RNF217: variants seen among roughly 807,000 people sequenced by gnomAD.
The protein encoded by RNF217 is E3 ubiquitin-protein ligase RNF217.
Under a neutral mutation model 57.8 loss-of-function variants are expected in RNF217, and 31 were observed. The ratio of observed to expected loss-of-function variants is 0.54; its 90% CI spans 0.40 to 0.72. The LOEUF (loss-of-function observed/expected upper bound fraction) is 0.72. RNF217 is among the 30% of genes least tolerant of loss of function. The probability of loss-of-function intolerance (pLI) is 0.00; values close to 1 mark genes in which losing one functional copy is unlikely to be tolerated. For synonymous variants in RNF217, 313 were observed against 294.0 expected, an observed-to-expected ratio of 1.06 and a Z score of -0.66; for missense variants, 696 against 708.3, an observed-to-expected ratio of 0.98 and a Z score of 0.20.
intron 1 of RNF217, among the ~76,000 whole-genome samples, chr6:124,980,777 T>C (rs1434061824): frequency 6.6e-6 from 1 of 152,206 alleles, no homozygotes; most frequent in East Asian, 1.9e-4. Context: ...CCTCCCTCCA[T>C]ACTTTGATTT....
At chr6:125,010,265 C>T (rs1201014713) in intron 1 of RNF217, among the ~76,000 whole-genome samples, 1 of 152,024 alleles carries the variant, frequency 6.6e-6, no homozygotes, top group Non-Finnish European at 1.5e-5. Context: ...TAAGAATTGC[C>T]AGAGTATAAT....
Position 125,088,014 on chromosome 6 carries a change from C to CTTTTTTTTTTTTTTTTTTTTTTTTTT in RNF217, c.*5099_*5100insTTTTTTTTTTTTTTTTTTTTTTTTTT. ...AATATGGAAAATAAGTTACAAAATT[C>CTTTTTTTTTTTTTTTTTTTTTTTTTT]TTTTTTTTTTTTTTTTTTTTTTGAG... is the stretch of plus-strand genomic sequence containing the variant. On this transcript the variant is annotated 3_prime_UTR_variant, in exon 6 of 6. Transcript: ENST00000521654. 1 of 100,858 alleles carries CTTTTTTTTTTTTTTTTTTTTTTTTTT rather than the reference C, an allele frequency of 9.9e-6. No individual in the cohort carries two copies. Among genetic ancestry groups the CTTTTTTTTTTTTTTTTTTTTTTTTTT allele is most frequent in the Non-Finnish European group, 1.9e-5 (1 of 51,728 alleles). 6.2% of individuals were successfully genotyped at this position (100,858 alleles called of 1,614,324 possible). A position where few individuals can be genotyped will look rare whatever the true frequency, so the allele number is the denominator to read the frequency against.
intron 1 of RNF217, among the ~76,000 whole-genome samples, chr6:124,997,178 T>C (rs1301155519): frequency 6.6e-6 from 1 of 152,224 alleles, no homozygotes; most frequent in African/African-American, 2.4e-5. Context: ...AAGAGAATCC[T>C]CTGTTTAAAA....
In RNF217 at chr6:125,085,058, T is replaced by C. The variant is rs1788732532; in HGVS notation, c.*2121T>C. On this transcript the variant is annotated 3_prime_UTR_variant, in exon 6 of 6. Coordinates refer to ENST00000521654, the MANE Select transcript of RNF217 (RefSeq NM_001286398.3). ...GTATGATATATATGAAATATTCCCATAACTGCATATGAACACATATGCCAT... is the reference window on the plus strand; with the variant it reads ...GTATGATATATATGAAATATTCCCACAACTGCATATGAACACATATGCCAT... 6.6e-6 allele frequency: 1 copy of C among 151,954 alleles called. No individual in the cohort carries two copies. Among genetic ancestry groups the C allele is most frequent in the Admixed American group, 6.6e-5 (1 of 15,224 alleles). 9.4% of individuals were successfully genotyped at this position (151,954 alleles called of 1,614,324 possible). A position where few individuals can be genotyped will look rare whatever the true frequency, so the allele number is the denominator to read the frequency against.
At chr6:125,026,491 G>T (rs1343939481) in intron 1 of RNF217, among the ~76,000 whole-genome samples, 2 of 152,110 alleles carry the variant, frequency 1.3e-5, no homozygotes, top group Non-Finnish European at 2.9e-5. Flanking sequence ...TGTGATAATA[G>T]GATAAATTTC....
chr6:125,082,792 CAT>C (rs1423966513), intron 5 of RNF217, 70 bp from the exon 6 acceptor site: 13 of 1,232,680 alleles, frequency 1.1e-5, no homozygotes, highest in Middle Eastern at 1.9e-4. Context: ...AATAAATAAA[CAT>C]AGACATTTTA....
At chr6:125,040,257 G>A (rs1786823030) in intron 1 of RNF217, among the ~76,000 whole-genome samples, 1 of 152,076 alleles carries the variant, frequency 6.6e-6, no homozygotes, top group South Asian at 2.1e-4. Flanking sequence ...TGATAATGGG[G>A]ATATCACCAC....
At chr6:125,015,578 A>G (rs1240964928) in intron 1 of RNF217, among the ~76,000 whole-genome samples, 1 of 152,042 alleles carries the variant, frequency 6.6e-6, no homozygotes, top group Non-Finnish European at 1.5e-5. Context: ...CCAAGTTATG[A>G]TAGTATGTAG....
At position 125,084,638 on chromosome 6, in the gene RNF217, A is replaced by T. The variant is rs1047722330; in HGVS notation, c.*1701A>T. On this transcript the variant is annotated 3_prime_UTR_variant, in exon 6 of 6. Transcript: ENST00000521654. ...AGTGAAGTTGACTTGCGTGAATAAC[A>T]ATCCAGCATGCTTTCATTCTTTCTG... 2 of 151,996 alleles carry T rather than the reference A, an allele frequency of 1.3e-5. No homozygotes were observed. The highest frequency in any genetic ancestry group is 6.6e-5 in the Admixed American group (1 of 15,248). 9.4% of individuals were successfully genotyped at this position (151,996 alleles called of 1,614,324 possible).
At chr6:125,065,579 T>G (rs1158340373) in intron 3 of RNF217, among the ~76,000 whole-genome samples, 2 of 152,158 alleles carry the variant, frequency 1.3e-5, no homozygotes, top group African/African-American at 4.8e-5. Context: ...AGAGCTGTGT[T>G]ATAGATGATG....
At chr6:125,020,485 G>A (rs1273885156) in intron 1 of RNF217, among the ~76,000 whole-genome samples, 1 of 152,090 alleles carries the variant, frequency 6.6e-6, no homozygotes, top group Non-Finnish European at 1.5e-5. Context: ...TCAGAATGAC[G>A]GGCTGGAGCC....
At chr6:125,054,984 G>A (rs1787469102) in intron 2 of RNF217, among the ~76,000 whole-genome samples, 1 of 152,106 alleles carries the variant, frequency 6.6e-6, no homozygotes, top group Non-Finnish European at 1.5e-5. Context: ...ATTTCATGTG[G>A]AAGAATAACT....
intron 3 of RNF217, among the ~76,000 whole-genome samples, chr6:125,067,057 G>T (rs1326554333): frequency 2.0e-5 from 3 of 152,172 alleles, no homozygotes; most frequent in African/African-American, 7.2e-5. Flanking sequence ...ATCCAAGGGA[G>T]CTAGGTTGTG....
intron 1 of RNF217, among the ~76,000 whole-genome samples, chr6:125,037,453 C>A (rs1268105190): frequency 6.6e-6 from 1 of 152,062 alleles, no homozygotes. Context: ...TAAATGTTTT[C>A]TTTGTACTGT....
intron 1 of RNF217, among the ~76,000 whole-genome samples, chr6:125,011,202 C>T (rs1229736976): frequency 1.3e-5 from 2 of 151,996 alleles, no homozygotes; most frequent in African/African-American, 4.8e-5. Flanking sequence ...TAATTTTAAC[C>T]TTTAGGGACA....
intron 2 of RNF217, chr6:125,048,167 A>G (rs773866642): frequency 7.5e-7 from 1 of 1,334,160 alleles, no homozygotes; most frequent in East Asian, 4.8e-5. Context: ...GAGAGCACTG[A>G]CATGGATACC....
chr6:124,991,576 G>A lies in RNF217; in HGVS notation c.882+28150G>A, dbSNP rs192449851. Among the ~76,000 whole-genome samples, 612 of 152,248 alleles carry A rather than the reference G, an allele frequency of 4.0e-3. 4 individuals are homozygous for A. The highest frequency in any genetic ancestry group is 0.013 in the African/African-American group (559 of 41,542). ...CTCCCCGCAAGGCTGTAGGCCATGA[G>A]GATAAGAATTTTGTTTGGTTTTGTT... On this transcript the variant is annotated intron_variant, in intron 1 of 5. Transcript: ENST00000521654.
chr6:125,012,610 T>C (rs1260379288), intron 1 of RNF217, among the ~76,000 whole-genome samples: 1 of 152,174 alleles, frequency 6.6e-6, no homozygotes, highest in Non-Finnish European at 1.5e-5. Flanking sequence ...TTTGCAGAAA[T>C]TTATTCTATG....
rs973124135 is a variant in RNF217, at chr6:125,085,107, A to C, written c.*2170A>C. ...ATATACATATATACCAACGGGCTGA[A>C]TAACATACTCTTTTGTCTTGGATAA... On this transcript the variant is annotated 3_prime_UTR_variant, in exon 6 of 6. Transcript: ENST00000521654. The C allele has an allele frequency of 2.0e-5, 3 of 151,934 alleles. No homozygotes were observed. The highest frequency in any genetic ancestry group is 4.4e-5 in the Non-Finnish European group (3 of 67,862). The allele number at this position is 151,934 out of a possible 1,614,324, so 9.4% of individuals were successfully genotyped here. A position where few individuals can be genotyped will look rare whatever the true frequency, so the allele number is the denominator to read the frequency against.
Sources: gnomAD v4.1 joint callset for allele counts (sites outside exome capture counted in the v4.1 genomes callset) on GRCh38, gnomAD v4.1.1 for gene constraint, MANE v1.5 for transcripts, NCBI Gene and HGNC (gene_info 2026-07-23, HGNC 2026-07-21) for gene names.